The following TBC1D22A variants were observed in gnomAD, a reference collection of about 807,000 sequenced individuals.
The protein encoded by TBC1D22A is TBC1 domain family member 22A.
A neutral mutation model predicts 60.2 loss-of-function variants in TBC1D22A; 38 were observed. That is an observed-to-expected ratio of 0.63 (90% CI 0.49 to 0.83). The LOEUF (loss-of-function observed/expected upper bound fraction) is 0.83. Among genes scored for constraint, TBC1D22A ranks in the 40% least tolerant of loss-of-function variants. TBC1D22A has a pLI of 0.00. For missense variants in TBC1D22A, 628 were observed against 701.0 expected (o/e 0.90, Z 1.18); for synonymous variants, 302 against 281.7 (o/e 1.07, Z -0.72).
rs555845963 is a variant in TBC1D22A, at chr22:47,049,867, A to C, written c.1329+12669A>C. Among the ~76,000 whole-genome samples, 62 of 152,360 alleles carry C rather than the reference A, an allele frequency of 4.1e-4. No individual in the cohort carries two copies. In the East Asian group the frequency reaches 0.01, roughly 25 times the overall value. ...TAAAGCTTTTTCTGTATTTAGAAAT[A>C]GTCCCGTAAAAGAGGTGTTCAGGAA... is the stretch of plus-strand genomic sequence containing the variant. On this transcript the variant is annotated intron_variant, in intron 11 of 12. Coordinates refer to ENST00000337137, the MANE Select transcript of TBC1D22A (RefSeq NM_014346.5).
intron 7 of TBC1D22A, among the ~76,000 whole-genome samples, chr22:46,904,238 AG>A (rs2069277102): frequency 6.6e-6 from 1 of 151,082 alleles, no homozygotes; most frequent in Non-Finnish European, 1.5e-5. Flanking sequence ...ATAAAAAAAA[AG>A]GTACGATTAT....
chr22:47,060,341 A>C (rs2063529374), intron 11 of TBC1D22A, among the ~76,000 whole-genome samples: 1 of 150,248 alleles, frequency 6.7e-6, no homozygotes, highest in Non-Finnish European at 1.5e-5. Context: ...TCCTGGGTTC[A>C]AGCGATTCTT....
intron 12 of TBC1D22A, among the ~76,000 whole-genome samples, chr22:47,123,967 A>G (rs1485025373): frequency 6.6e-6 from 1 of 152,182 alleles, no homozygotes; most frequent in Non-Finnish European, 1.5e-5. Context: ...GGGGGCCCAC[A>G]TGCCTGCCTC....
rs540595523 is a variant in TBC1D22A, at chr22:46,810,564, T to G, written c.637+12944T>G. Among the ~76,000 whole-genome samples, 78 of 152,292 alleles carry G rather than the reference T, an allele frequency of 5.1e-4. No individual in the cohort carries two copies. In the South Asian group the frequency reaches 0.012, roughly 24 times the overall value. On this transcript the variant is annotated intron_variant, in intron 4 of 12. Transcript: ENST00000337137. ...GGCATAAAATCATCAAATTTTTAAG[T>G]AAAAATTCTGTTTTAAAAACTTGAG...
chr22:47,084,543 T>C (rs898710182), intron 11 of TBC1D22A, among the ~76,000 whole-genome samples: 3 of 152,208 alleles, frequency 2.0e-5, no homozygotes, highest in African/African-American at 4.8e-5. Flanking sequence ...TGAGAGCCAC[T>C]GCTCTAGGGG....
intron 9 of TBC1D22A, among the ~76,000 whole-genome samples, chr22:46,995,422 C>T (rs2075086739): frequency 6.6e-6 from 1 of 152,140 alleles, no homozygotes. Context: ...CTTAGGGCCT[C>T]GTAGGCATTT....
At chr22:46,916,929 A>T (rs1405242604) in intron 8 of TBC1D22A, among the ~76,000 whole-genome samples, 3 of 152,188 alleles carry the variant, frequency 2.0e-5, no homozygotes, top group African/African-American at 7.2e-5. Context: ...GCAGCTCATA[A>T]ATTTCAGAGG....
At chr22:47,058,151 C>T (rs1157694937) in intron 11 of TBC1D22A, among the ~76,000 whole-genome samples, 2 of 152,226 alleles carry the variant, frequency 1.3e-5, no homozygotes, top group African/African-American at 4.8e-5. Context: ...AGCTTCACGC[C>T]ACACCCTGCG....
chr22:47,047,565 T>C (rs1324267355), intron 11 of TBC1D22A, among the ~76,000 whole-genome samples: 1 of 152,226 alleles, frequency 6.6e-6, no homozygotes, highest in Non-Finnish European at 1.5e-5. Flanking sequence ...GTCCTGGGGC[T>C]GTCGGGAAGC....
intron 10 of TBC1D22A, among the ~76,000 whole-genome samples, chr22:47,023,148 G>T (rs1305536936): frequency 6.6e-6 from 1 of 152,190 alleles, no homozygotes. Context: ...TGGAGAAATA[G>T]ATAAAGACAT....
intron 8 of TBC1D22A, chr22:46,913,883 T>C: frequency 1.9e-6 from 1 of 514,106 alleles, no homozygotes; most frequent in Non-Finnish European, 2.5e-6. Context: ...ATGACCACGA[T>C]CTTAATTGTC....
intron 8 of TBC1D22A, among the ~76,000 whole-genome samples, chr22:46,944,170 G>C (rs12157629): frequency 0.038 from 5,789 of 152,222 alleles, 340 homozygotes; most frequent in African/African-American, 0.13. Context: ...GAGGAGGGTT[G>C]TGTTTCTCCA....
At chr22:47,129,878 C>T (rs992660738) in intron 12 of TBC1D22A, among the ~76,000 whole-genome samples, 2 of 152,184 alleles carry the variant, frequency 1.3e-5, no homozygotes, top group African/African-American at 4.8e-5. Flanking sequence ...CTTGTTTTTT[C>T]CTCTCTCTCT....
intron 10 of TBC1D22A, among the ~76,000 whole-genome samples, chr22:47,034,904 G>A (rs370095709): frequency 6.6e-6 from 1 of 152,142 alleles, no homozygotes; most frequent in East Asian, 1.9e-4. Context: ...CGCGTGTGAC[G>A]CTCTTTGCTT....
chr22:46,910,543 G>GT (rs1284702698), intron 7 of TBC1D22A, among the ~76,000 whole-genome samples: 2 of 152,172 alleles, frequency 1.3e-5, no homozygotes, highest in African/African-American at 4.8e-5. Context: ...TGCCTTGTTT[G>GT]TATGGACAGG....
At chr22:46,976,688 C>T (rs939710903) in intron 9 of TBC1D22A, among the ~76,000 whole-genome samples, 1 of 152,186 alleles carries the variant, frequency 6.6e-6, no homozygotes, top group Admixed American at 6.5e-5. Flanking sequence ...CCTTAAGCAC[C>T]CTCTTCACCA....
intron 4 of TBC1D22A, among the ~76,000 whole-genome samples, chr22:46,823,803 G>T (rs2085931113): frequency 6.6e-6 from 1 of 152,232 alleles, no homozygotes; most frequent in Non-Finnish European, 1.5e-5. Flanking sequence ...CCTGCTGCGT[G>T]CCACATGCCG....
intron 8 of TBC1D22A, among the ~76,000 whole-genome samples, chr22:46,937,301 C>T (rs968736573): frequency 2.6e-5 from 4 of 152,194 alleles, no homozygotes; most frequent in Non-Finnish European, 5.9e-5. Context: ...ATATACAGTT[C>T]TGCGCCACAT....
At chr22:46,865,800 G>A (rs2067024452) in intron 4 of TBC1D22A, among the ~76,000 whole-genome samples, 1 of 152,160 alleles carries the variant, frequency 6.6e-6, no homozygotes, top group Admixed American at 6.5e-5. Flanking sequence ...TTTGTTCTGG[G>A]GCGTAAAGAT....
Sources: allele counts gnomAD v4.1 joint callset (sites outside exome capture counted in the v4.1 genomes callset), GRCh38; gene constraint gnomAD v4.1.1; transcripts MANE v1.5; gene names NCBI Gene and HGNC (gene_info 2026-07-23, HGNC 2026-07-21).